The following ZNF428 variants were observed in gnomAD, a reference collection of about 807,000 sequenced individuals.
ZNF428 encodes the protein zinc finger protein 428.
ZNF428 carries 5 observed loss-of-function variants against 15.6 expected under a neutral mutation model. The ratio of observed to expected loss-of-function variants is 0.32; its 90% CI spans 0.17 to 0.67. The LOEUF (loss-of-function observed/expected upper bound fraction) is 0.67, where lower values mean the gene tolerates loss of function less well. Among genes scored for constraint, ZNF428 ranks in the 30% least tolerant of loss-of-function variants. ZNF428 has a pLI of 0.73. For synonymous variants in ZNF428, 97 were observed against 102.2 expected (o/e 0.95, Z 0.31); for missense variants, 237 against 256.0 (o/e 0.93, Z 0.51).
rs1973250302 is a variant in ZNF428 at position 43,607,445 on chromosome 19, AAC to A, written c.*170_*171del. The A allele has an allele frequency of 5.1e-6, 4 of 786,026 alleles. No individual in the cohort carries two copies. Among genetic ancestry groups the A allele is most frequent in the African/African-American group, 3.5e-5 (2 of 56,860 alleles). The allele number at this position is 786,026 out of a possible 1,614,324, so 48.7% of individuals were successfully genotyped here. A position where few individuals can be genotyped will look rare whatever the true frequency, so the allele number is the denominator to read the frequency against. ...CACACACACACACACACTCTGAACC[AAC>A]ACACACAGATACAGATTTTGGCTTT... On this transcript the variant is annotated 3_prime_UTR_variant, in exon 3 of 3. Transcript: ENST00000300811. The surrounding 1 kb of genome is among the most constrained non-coding windows in gnomAD (Gnocchi z 5.1).
At position 43,613,920 on chromosome 19, in the gene ZNF428, A is replaced by G. The variant is rs778826306; in HGVS notation, c.76+309T>C. The G allele has an allele frequency of 1.2e-4, 185 of 1,551,464 alleles. No individual in the cohort carries two copies. Among genetic ancestry groups the G allele is most frequent in the Non-Finnish European group, 1.5e-4 (172 of 1,146,960 alleles). On this transcript the variant is annotated intron_variant, in intron 2 of 2. Coordinates refer to ENST00000300811, the MANE Select transcript of ZNF428 (RefSeq NM_182498.4). Reference sequence around the variant, plus strand: ...GATCACAGCCGATCTAGAAGCCCCAATAAGCAGAGTGGTTACAGTCGACCT... The same window carrying G: ...GATCACAGCCGATCTAGAAGCCCCAGTAAGCAGAGTGGTTACAGTCGACCT...
At chr19:43,611,806 C>T (rs1008148) in intron 2 of ZNF428, among the ~76,000 whole-genome samples, 82,616 of 152,078 alleles carry the variant, frequency 0.54, 23,171 homozygotes, top group African/African-American at 0.7. Context: ...TCCCCACCCA[C>T]TGACTATGGG....
chr19:43,614,512 T>C, intron 1 of ZNF428, 78 bp from the exon 2 acceptor site: 1 of 1,349,044 alleles, frequency 7.4e-7, no homozygotes, highest in Non-Finnish European at 9.7e-7. Flanking sequence ...AGCCCAACTG[T>C]GTGCTCACTG....
At position 43,607,612 on chromosome 19, in the gene ZNF428, T is replaced by C; in HGVS notation, c.*5A>G. 1 of 1,551,366 alleles carries C rather than the reference T, an allele frequency of 6.4e-7. No individual in the cohort carries two copies. The highest frequency in any genetic ancestry group is 8.7e-7 in the Non-Finnish European group (1 of 1,145,560). On this transcript the variant is annotated 3_prime_UTR_variant, in exon 3 of 3. Transcript: ENST00000300811. The surrounding 1 kb of genome is among the most constrained non-coding windows in gnomAD (Gnocchi z 5.1). The stretch of plus-strand genomic sequence containing the variant: ...TCTGCCAAGCTCCCCGTATGGGGGC[T>C]CTGCCTACACCTCACCCCGGGCATG...
Position 43,608,123 on chromosome 19 carries a change from CAG to C in ZNF428, c.77-18_77-17del, listed in dbSNP as rs761375628. ...TGCTCGGGGCCTGGAGGGGGACAGA[CAG>C]GGGAAGACAGTGGTATCAGAGGAAA... is the stretch of plus-strand genomic sequence containing the variant. On this transcript the variant is annotated splice_polypyrimidine_tract_variant and intron_variant, in intron 2 of 2. Transcript: ENST00000300811. The C allele has an allele frequency of 1.1e-5, 17 of 1,599,422 alleles. No homozygotes were observed. Among genetic ancestry groups the C allele is most frequent in the Middle Eastern group, 1.8e-4 (1 of 5,712 alleles).
chr19:43,616,503 A>C (rs1424565235), intron 1 of ZNF428, among the ~76,000 whole-genome samples: 1 of 152,232 alleles, frequency 6.6e-6, no homozygotes, highest in Non-Finnish European at 1.5e-5. Flanking sequence ...GGAAACAGAC[A>C]CAGAGGTGAT....
Position 43,612,316 on chromosome 19 carries a change from C to A in ZNF428, c.76+1913G>T. 6.4e-7 allele frequency: 1 copy of A among 1,551,644 alleles called. No individual in the cohort carries two copies. The highest frequency in any genetic ancestry group is 8.7e-7 in the Non-Finnish European group (1 of 1,147,002). Reference sequence around the variant, plus strand: ...TGAGCCCAAGCAGTTCCAAGTCCACCAAATCGACCAGTACAAAAAGAGCCC... The same window carrying A: ...TGAGCCCAAGCAGTTCCAAGTCCACAAAATCGACCAGTACAAAAAGAGCCC... On this transcript the variant is annotated intron_variant, in intron 2 of 2. Transcript: ENST00000300811. This position sits in a 1 kb window ranked among gnomAD's most constrained non-coding sequence, Gnocchi z 4.2.
intron 2 of ZNF428, chr19:43,614,023 C>G: frequency 1.3e-6 from 2 of 1,551,796 alleles, no homozygotes; most frequent in Non-Finnish European, 1.7e-6. Context: ...AATCTAGAAC[C>G]TCTAGCAAGG....
chr19:43,611,462 AG>A (rs1056284874), intron 2 of ZNF428, among the ~76,000 whole-genome samples: 3 of 151,898 alleles, frequency 2.0e-5, no homozygotes, highest in African/African-American at 7.3e-5. Context: ...TGGGATTACA[AG>A]CGTGTGCTAT....
In ZNF428 at chr19:43,607,760, C is replaced by A. The variant is rs529486658; in HGVS notation, c.424G>T (p.Gly142Trp). The change falls in exon 3 of 3, where the codon GGG becomes TGG. Residue 142 changes from glycine to tryptophan, a missense_variant. Gly to Trp is a radical substitution (Grantham distance 184). Coordinates refer to ENST00000300811, the MANE Select transcript of ZNF428 (RefSeq NM_182498.4). The surrounding 1 kb of genome is among the most constrained non-coding windows in gnomAD (Gnocchi z 5.1). ...TCCCGCCCAGCTGGTCGGCCCTCCC[C>A]AGCCCGAGGTGGTTCCTCCTCTTCC... is the stretch of plus-strand genomic sequence containing the variant. ...GEEEEEPPRA[G>W]EGRPAGREEE... The A allele has an allele frequency of 3.3e-5, 53 of 1,609,120 alleles. No individual in the cohort carries two copies. In the South Asian group the frequency reaches 5.3e-4, roughly 16 times the overall value.
rs749623133 is a variant in ZNF428 at position 43,608,097 on chromosome 19, A to G, written c.87T>C (p.His29=). The G allele has an allele frequency of 6.3e-5, 101 of 1,612,608 alleles. No homozygotes were observed. The Admixed American group carries it at 1.0e-3, about 17-fold the overall frequency. Residue 29 remains histidine, a synonymous_variant, in exon 3 of 3, where the codon CAT becomes CAC. Transcript: ENST00000300811. ...DDEDLSPGPE[H]SSDSEYTLSE... is the part of the protein sequence containing the mutation. ...AGAGAGTGTATTCTGAATCAGAGGA[A>G]TGCTCGGGGCCTGGAGGGGGACAGA... is the stretch of plus-strand genomic sequence containing the variant.
chr19:43,610,291 C>T (rs1272344664), intron 2 of ZNF428, among the ~76,000 whole-genome samples: 1 of 151,746 alleles, frequency 6.6e-6, no homozygotes, highest in Non-Finnish European at 1.5e-5. Flanking sequence ...ACTCCGCCTC[C>T]TGGGTTCAGG....
Position 43,612,262 on chromosome 19 carries a change from C to A in ZNF428, c.76+1967G>T. 1 of 1,551,692 alleles carries A rather than the reference C, an allele frequency of 6.4e-7. No individual in the cohort carries two copies. The highest frequency in any genetic ancestry group is 8.7e-7 in the Non-Finnish European group (1 of 1,146,994). ...CACCCAACAGATCCTTAGTGCCCAC[C>A]AAACCAGCGACATCCCGTAACTCAG... On this transcript the variant is annotated intron_variant, in intron 2 of 2. Transcript: ENST00000300811. This position sits in a 1 kb window ranked among gnomAD's most constrained non-coding sequence, Gnocchi z 4.2.
At position 43,613,538 on chromosome 19, in the gene ZNF428, C is replaced by T. The variant is rs867220057; in HGVS notation, c.76+691G>A. 2.3e-5 allele frequency: 36 copies of T among 1,551,258 alleles called. No individual in the cohort carries two copies. The highest frequency in any genetic ancestry group is 3.3e-4 in the Middle Eastern group (2 of 6,012). Reference sequence around the variant, plus strand: ...TAGAAGTCCCAACAAGGCGAGAGATCGCAGCCGATCTAGAAGCCCCAGCAA... The same window carrying T: ...TAGAAGTCCCAACAAGGCGAGAGATTGCAGCCGATCTAGAAGCCCCAGCAA... On this transcript the variant is annotated intron_variant, in intron 2 of 2. Transcript: ENST00000300811.
At chr19:43,608,237 C>T (rs1232395225) in intron 2 of ZNF428, 130 bp from the exon 3 acceptor site, 28 of 1,248,914 alleles carry the variant, frequency 2.2e-5, no homozygotes, top group Non-Finnish European at 3.0e-5. Flanking sequence ...ACTACCCTTC[C>T]CTTCCCCACA....
Position 43,613,422 on chromosome 19 carries a change from C to G in ZNF428, c.76+807G>C, listed in dbSNP as rs1033262149. 2.0e-6 allele frequency: 3 copies of G among 1,523,192 alleles called. No homozygotes were observed. The African/African-American group carries it at 4.3e-5, about 22-fold the overall frequency. The allele number at this position is 1,523,192 out of a possible 1,614,324, so 94.4% of individuals were successfully genotyped here. A position where few individuals can be genotyped will look rare whatever the true frequency, so the allele number is the denominator to read the frequency against. ...AGCCGATCTAGAAGTCCCAACAAGG[C>G]GAGAGATTGCAGCCGATCTAGAAGT... On this transcript the variant is annotated intron_variant, in intron 2 of 2. Coordinates refer to ENST00000300811, the MANE Select transcript of ZNF428 (RefSeq NM_182498.4).
Position 43,612,772 on chromosome 19 carries a change from CA to C in ZNF428, c.76+1456del, listed in dbSNP as rs1298295596. ...AGCTGGCTGTAACTCCCAGTACAGC[CA>C]AGTGTCAAACCCCGACTGGAATTCC... On this transcript the variant is annotated intron_variant, in intron 2 of 2. Transcript: ENST00000300811. This position sits in a 1 kb window ranked among gnomAD's most constrained non-coding sequence, Gnocchi z 4.2. 3.9e-6 allele frequency: 6 copies of C among 1,551,640 alleles called. No homozygotes were observed. In the East Asian group the frequency reaches 1.5e-4, roughly 38 times the overall value.
At chr19:43,609,674 G>A (rs1359556528) in intron 2 of ZNF428, among the ~76,000 whole-genome samples, 2 of 151,818 alleles carry the variant, frequency 1.3e-5, no homozygotes, top group African/African-American at 4.8e-5. Context: ...CCCGGGAGGC[G>A]GAGGTTGCGA....
intron 1 of ZNF428, among the ~76,000 whole-genome samples, chr19:43,618,196 G>T (rs539959978): frequency 6.6e-6 from 1 of 151,980 alleles, no homozygotes; most frequent in African/African-American, 2.4e-5. Flanking sequence ...CACCACGCCC[G>T]ACTATTTTTT....
Sources: gnomAD v4.1 joint callset for allele counts (sites outside exome capture counted in the v4.1 genomes callset) on GRCh38, gnomAD v4.1.1 for gene constraint, Gnocchi (gnomAD v3.1) non-coding constraint, MANE v1.5 for transcripts, NCBI Gene and HGNC (gene_info 2026-07-23, HGNC 2026-07-21) for gene names.